MSI2: variants seen among roughly 807,000 people sequenced by gnomAD.
MSI2 encodes the protein RNA-binding protein Musashi homolog 2.
Under a neutral mutation model 45.6 loss-of-function variants are expected in MSI2, and 17 were observed. The observed-to-expected ratio is 0.37, with a 90% CI of 0.26 to 0.56. The LOEUF (loss-of-function observed/expected upper bound fraction) is 0.56, where lower values mean the gene tolerates loss of function less well. MSI2 is among the 20% of genes least tolerant of loss of function. The probability of loss-of-function intolerance (pLI) is 0.77; values close to 1 mark genes in which losing one functional copy is unlikely to be tolerated. For missense variants in MSI2, 293 were observed against 444.2 expected (o/e 0.66, Z 3.06); for synonymous variants, 156 against 158.2 (o/e 0.99, Z 0.11).
At chr17:57,445,557 G>A (rs988799951) in intron 6 of MSI2, among the ~76,000 whole-genome samples, 1 of 151,804 alleles carries the variant, frequency 6.6e-6, no homozygotes, top group Non-Finnish European at 1.5e-5. Flanking sequence ...GCGGTGGGGG[G>A]GGGTGCATTT....
At chr17:57,414,798 C>T (rs1057358700) in intron 6 of MSI2, among the ~76,000 whole-genome samples, 1 of 152,074 alleles carries the variant, frequency 6.6e-6, no homozygotes, top group Non-Finnish European at 1.5e-5. Flanking sequence ...TCCTAGGATC[C>T]CTTAGCTATT....
chr17:57,698,724 T>C, the MSI2 span, among the ~76,000 whole-genome samples: 2 of 152,314 alleles, frequency 1.3e-5, no homozygotes, highest in African/African-American at 2.4e-5. Flanking sequence ...TGCCTTTTCA[T>C]GTATTCATTT....
At chr17:57,273,204 AG>A (rs576836095) in intron 5 of MSI2, among the ~76,000 whole-genome samples, 7 of 152,282 alleles carry the variant, frequency 4.6e-5, no homozygotes, top group Non-Finnish European at 8.8e-5. Flanking sequence ...TGACTTGATT[AG>A]GGGGCCCTTA....
chr17:57,268,761 G>A (rs1000667945), intron 5 of MSI2, among the ~76,000 whole-genome samples: 2 of 152,116 alleles, frequency 1.3e-5, no homozygotes, highest in East Asian at 1.9e-4. Context: ...CTTGAATCTG[G>A]GAGGCGGAGG....
intron 5 of MSI2, among the ~76,000 whole-genome samples, chr17:57,342,880 G>T (rs792399): frequency 0.4 from 61,304 of 151,982 alleles, 12,864 homozygotes; most frequent in African/African-American, 0.52. Flanking sequence ...GCCATTATAA[G>T]TCTTACTTAC....
At chr17:57,644,691 GAT>G (rs1355713939) in intron 10 of MSI2, among the ~76,000 whole-genome samples, 2 of 152,222 alleles carry the variant, frequency 1.3e-5, no homozygotes, top group African/African-American at 4.8e-5. Context: ...CTGCTGGGGA[GAT>G]GCAAGCATGC....
intron 6 of MSI2, among the ~76,000 whole-genome samples, chr17:57,443,913 G>A (rs1426169924): frequency 6.6e-6 from 1 of 152,204 alleles, no homozygotes; most frequent in Non-Finnish European, 1.5e-5. Flanking sequence ...AAACTGGGCA[G>A]ATGCCTCTCT....
chr17:57,436,004 A>G (rs2084684048), intron 6 of MSI2, among the ~76,000 whole-genome samples: 1 of 152,220 alleles, frequency 6.6e-6, no homozygotes, highest in African/African-American at 2.4e-5. Flanking sequence ...ACAAAACCCA[A>G]AACTTCCATG....
intron 2 of MSI2, 78 bp downstream of exon 2, chr17:57,257,216 G>GCCCCCCCCCCCCCCC (rs371473884): frequency 1.0e-5 from 2 of 190,574 alleles, no homozygotes; most frequent in African/African-American, 2.1e-4. Context: ...CGGTGTAGGA[G>GCCCCCCCCCCCCCCC]CCCCCCCCCC....
At chr17:57,475,012 G>A (rs1017368046) in intron 6 of MSI2, among the ~76,000 whole-genome samples, 7 of 152,302 alleles carry the variant, frequency 4.6e-5, no homozygotes, top group African/African-American at 1.4e-4. Flanking sequence ...ATGAGCCACC[G>A]CACGCACCCA....
chr17:57,462,743 AGG>A (rs1465237603), intron 6 of MSI2, among the ~76,000 whole-genome samples: 1 of 152,188 alleles, frequency 6.6e-6, no homozygotes, highest in Non-Finnish European at 1.5e-5. Context: ...ATTCATCAAG[AGG>A]GGAATGTTGG....
intron 2 of MSI2, 138 bp from the exon 3 acceptor site, chr17:57,257,328 C>T (rs2143134721): frequency 3.4e-6 from 2 of 593,410 alleles, no homozygotes; most frequent in South Asian, 2.2e-5. Context: ...ATTTCCCCCG[C>T]GTGTGCAAAA....
chr17:57,505,633 CTT>C (rs929487649), intron 6 of MSI2, among the ~76,000 whole-genome samples: 2 of 152,132 alleles, frequency 1.3e-5, no homozygotes, highest in African/African-American at 4.8e-5. Context: ...GCTATTCACT[CTT>C]TTGCCAGGGG....
At chr17:57,339,191 A>G (rs792404) in intron 5 of MSI2, among the ~76,000 whole-genome samples, 26,121 of 152,190 alleles carry the variant, frequency 0.17, 4,562 homozygotes, top group African/African-American at 0.44. Flanking sequence ...AAAGGCAAGC[A>G]GCCCGCGAGG....
chr17:57,647,978 TTTGA>T (rs1183887399), intron 10 of MSI2, among the ~76,000 whole-genome samples: 1 of 151,234 alleles, frequency 6.6e-6, no homozygotes, highest in Admixed American at 6.6e-5. Flanking sequence ...TGTTTGTTTG[TTTGA>T]GACAGAGTCT....
intron 12 of MSI2, among the ~76,000 whole-genome samples, chr17:57,676,378 G>C (rs550769063): frequency 1.4e-4 from 21 of 152,326 alleles, no homozygotes; most frequent in Middle Eastern, 6.8e-3. Flanking sequence ...TAAGTCAGTA[G>C]TCTGATGAAT....
intron 6 of MSI2, among the ~76,000 whole-genome samples, chr17:57,420,162 G>T (rs1666278391): frequency 6.6e-6 from 1 of 152,180 alleles, no homozygotes; most frequent in Admixed American, 6.5e-5. Flanking sequence ...TGCACCTCTA[G>T]GGTCCAGGAC....
At position 57,609,491 on chromosome 17, in the gene MSI2, A is replaced by G. The variant is rs562752239; in HGVS notation, c.538-6479A>G. ...GTTTGGAGTGAGAAATGAAACTGCA[A>G]ACACTGGCCTCTTCAGGCCAAACAG... On this transcript the variant is annotated intron_variant, in intron 8 of 13. Transcript: ENST00000284073. Among the ~76,000 whole-genome samples the G allele has an allele frequency of 2.6e-5, 4 of 152,356 alleles. No individual in the cohort carries two copies. The South Asian group carries it at 6.2e-4, about 24-fold the overall frequency.
chr17:57,361,772 T>C (rs1309693168), intron 5 of MSI2, among the ~76,000 whole-genome samples: 2 of 151,900 alleles, frequency 1.3e-5, no homozygotes, highest in East Asian at 1.9e-4. Flanking sequence ...GGTGCAGAGG[T>C]GGAAGAAAAT....
Sources: gnomAD v4.1 joint callset for allele counts (sites outside exome capture counted in the v4.1 genomes callset) on GRCh38, gnomAD v4.1.1 for gene constraint, MANE v1.5 for transcripts, NCBI Gene and HGNC (gene_info 2026-07-23, HGNC 2026-07-21) for gene names.